SSH1: variants seen among roughly 807,000 people sequenced by gnomAD.
SSH1 encodes slingshot protein phosphatase 1, also known as protein phosphatase Slingshot homolog 1.
In SSH1, 43 loss-of-function variants were observed where a neutral mutation model predicts 79.7. That is an observed-to-expected ratio of 0.54 (90% CI 0.42 to 0.70). The LOEUF (loss-of-function observed/expected upper bound fraction) is 0.70, where lower values mean the gene tolerates loss of function less well. SSH1 is among the 30% of genes least tolerant of loss of function. SSH1 has a pLI of 0.00. For missense variants in SSH1, 1,206 were observed against 1,358.8 expected (o/e 0.89, Z 1.77); for synonymous variants, 599 against 538.3 (o/e 1.11, Z -1.56).
At chr12:108,849,757 T>A (rs2038975340) in intron 2 of SSH1, among the ~76,000 whole-genome samples, 1 of 138,076 alleles carries the variant, frequency 7.2e-6, no homozygotes, top group Non-Finnish European at 1.5e-5. Context: ...TACTCACTCA[T>A]CAACAACAGC....
At chr12:108,799,334 C>T (rs996052020) in intron 12 of SSH1, 134 bp from the exon 13 acceptor site, 8 of 709,554 alleles carry the variant, frequency 1.1e-5, no homozygotes, top group Admixed American at 8.1e-5. Flanking sequence ...ATCTTACTGC[C>T]GAAATCCTCC....
intron 4 of SSH1, 140 bp from the exon 5 acceptor site, chr12:108,817,299 C>A: frequency 7.7e-7 from 1 of 1,296,360 alleles, no homozygotes. Flanking sequence ...CTTGGCTGGG[C>A]ATGGTGGTTC....
intron 13 of SSH1, among the ~76,000 whole-genome samples, chr12:108,797,458 G>T (rs1434805981): frequency 6.6e-6 from 1 of 152,182 alleles, no homozygotes; most frequent in South Asian, 2.1e-4. Flanking sequence ...CCAACCCTGT[G>T]TGCCTGCTCT....
intron 5 of SSH1, among the ~76,000 whole-genome samples, chr12:108,813,264 T>C (rs905558048): frequency 2.0e-5 from 3 of 152,180 alleles, no homozygotes; most frequent in Non-Finnish European, 4.4e-5. Context: ...AGGGCCTGTA[T>C]GGCGGGAACA....
chr12:108,808,361 T>C (rs1002177956), intron 7 of SSH1, among the ~76,000 whole-genome samples: 2 of 152,348 alleles, frequency 1.3e-5, no homozygotes, highest in Admixed American at 1.3e-4. Flanking sequence ...TGGGACATAT[T>C]CACTGATTGA....
intron 2 of SSH1, chr12:108,826,203 T>C (rs550556996): frequency 9.1e-6 from 4 of 438,492 alleles, no homozygotes; most frequent in Non-Finnish European, 1.8e-5. Flanking sequence ...ATATTTCCTT[T>C]GGAAAAAAAA....
At chr12:108,856,338 C>A (rs943326792) in intron 1 of SSH1, among the ~76,000 whole-genome samples, 3 of 152,226 alleles carry the variant, frequency 2.0e-5, no homozygotes, top group African/African-American at 7.2e-5. Context: ...ACCCTGCAGG[C>A]TAAGAGGGCA....
intron 2 of SSH1, among the ~76,000 whole-genome samples, chr12:108,831,343 T>C (rs1485701426): frequency 2.0e-5 from 3 of 152,222 alleles, no homozygotes; most frequent in Admixed American, 1.3e-4. Flanking sequence ...CATAGAAAGA[T>C]GGGTGCCAAC....
Position 108,788,759 on chromosome 12 carries a change from G to C in SSH1, c.2379C>G (p.Phe793Leu), listed in dbSNP as rs1214546700. 1 of 1,614,244 alleles carries C rather than the reference G, an allele frequency of 6.2e-7. No homozygotes were observed. Reference protein sequence around the residue: ...MKPAKDLRLLFSNESEKPTTN... With the variant: ...MKPAKDLRLLLSNESEKPTTN... ...TTGTCGGCTTCTCAGATTCATTACTGAACAGAAGCCTCAGGTCCTTGGCTG... is the reference window on the plus strand; with the variant it reads ...TTGTCGGCTTCTCAGATTCATTACTCAACAGAAGCCTCAGGTCCTTGGCTG... The change falls in exon 15 of 15, where the codon TTC (phenylalanine) becomes TTG (leucine). Residue 793 changes from phenylalanine (F) to leucine (L), a missense_variant. Transcript: ENST00000326495.
chr12:108,792,098 A>G (rs2036526694), intron 14 of SSH1, 188 bp downstream of exon 14: 12 of 1,467,878 alleles, frequency 8.2e-6, no homozygotes, highest in Non-Finnish European at 1.1e-5. Flanking sequence ...CCACCAGCAG[A>G]ATCACCCTGT....
chr12:108,801,814 T>C (rs1042903347), intron 11 of SSH1, among the ~76,000 whole-genome samples: 1 of 152,040 alleles, frequency 6.6e-6, no homozygotes, highest in African/African-American at 2.4e-5. Context: ...TGCTGAGTGT[T>C]TGTCAGACTA....
chr12:108,814,730 G>A (rs145984290), intron 5 of SSH1, among the ~76,000 whole-genome samples: 1 of 152,348 alleles, frequency 6.6e-6, no homozygotes, highest in Non-Finnish European at 1.5e-5. Flanking sequence ...CTCAGAGGGT[G>A]CAGAGACTCG....
In SSH1 at chr12:108,785,835, T is replaced by C. The variant is rs930665700; in HGVS notation, c.*2153A>G. ...CAAAAATTGATCTACCACATGAAAT[T>C]TGATTTGGCAAAACATACCGAACTT... On this transcript the variant is annotated 3_prime_UTR_variant, in exon 15 of 15. Coordinates refer to ENST00000326495, the MANE Select transcript of SSH1 (RefSeq NM_018984.4). 6.6e-6 allele frequency: 1 copy of C among 152,206 alleles called. No homozygotes were observed. Among genetic ancestry groups the C allele is most frequent in the African/African-American group, 2.4e-5 (1 of 41,456 alleles). 9.4% of individuals were successfully genotyped at this position (152,206 alleles called of 1,614,324 possible).
intron 1 of SSH1, among the ~76,000 whole-genome samples, chr12:108,853,597 G>C (rs1252164558): frequency 6.6e-6 from 1 of 151,968 alleles, no homozygotes; most frequent in African/African-American, 2.4e-5. Context: ...GGCAGCAAGG[G>C]ACACCCACCA....
intron 5 of SSH1, among the ~76,000 whole-genome samples, chr12:108,814,387 C>A (rs1051485666): frequency 5.9e-5 from 9 of 151,580 alleles, no homozygotes; most frequent in Admixed American, 6.6e-5. Context: ...AAATAAAATC[C>A]CAAGGAAGGA....
chr12:108,796,211 C>T (rs1460845444), intron 13 of SSH1, among the ~76,000 whole-genome samples: 5 of 152,190 alleles, frequency 3.3e-5, no homozygotes, highest in African/African-American at 7.2e-5. Flanking sequence ...CCACCACACC[C>T]GGCCTCATCT....
intron 2 of SSH1, chr12:108,825,970 A>G: frequency 2.7e-6 from 1 of 373,804 alleles, no homozygotes; most frequent in Non-Finnish European, 5.2e-6. Context: ...AAAATCTGAA[A>G]CAGCTATGCG....
chr12:108,821,216 TACACAC>T (rs34074449), intron 3 of SSH1, among the ~76,000 whole-genome samples: 39 of 147,576 alleles, frequency 2.6e-4, no homozygotes, highest in Non-Finnish European at 2.1e-4. Context: ...AGACCTCATC[TACACAC>T]ACACACACAC....
At chr12:108,819,081 T>G (rs2038014746) in intron 3 of SSH1, among the ~76,000 whole-genome samples, 1 of 151,578 alleles carries the variant, frequency 6.6e-6, no homozygotes, top group Non-Finnish European at 1.5e-5. Flanking sequence ...CATTTTCCAC[T>G]GGAGGCAGAC....
Sources: gnomAD v4.1 joint callset for allele counts (sites outside exome capture counted in the v4.1 genomes callset) on GRCh38, gnomAD v4.1.1 for gene constraint, MANE v1.5 for transcripts, NCBI Gene and HGNC (gene_info 2026-07-23, HGNC 2026-07-21) for gene names.